Variants in NPAS2 observed in about 807,000 individuals in gnomAD.
NPAS2 encodes neuronal PAS domain protein 2.
In NPAS2, 23 loss-of-function variants were observed where a neutral mutation model predicts 107.5. The ratio of observed to expected loss-of-function variants is 0.21; its 90% CI spans 0.15 to 0.30. The LOEUF is 0.30. NPAS2 is among the 10% of genes least tolerant of loss of function. NPAS2 has a pLI of 1.00. For missense variants in NPAS2, 756 were observed against 1,043.3 expected, an observed-to-expected ratio of 0.72 and a Z score of 3.79; for synonymous variants, 403 against 417.5, an observed-to-expected ratio of 0.97 and a Z score of 0.42.
At chr2:100,880,914 T>C (rs529781290) in intron 1 of NPAS2, among the ~76,000 whole-genome samples, 9 of 152,038 alleles carry the variant, frequency 5.9e-5, no homozygotes, top group Middle Eastern at 3.4e-3. Context: ...TAAATACAAC[T>C]AGTAGGAAAT....
intron 16 of NPAS2, 96 bp downstream of exon 16, chr2:100,982,473 G>T: frequency 7.1e-7 from 1 of 1,413,458 alleles, no homozygotes; most frequent in Non-Finnish European, 9.6e-7. Flanking sequence ...CCCAAGCCCT[G>T]TGAACTGCCC....
chr2:100,939,563 C>G (rs532288576), intron 5 of NPAS2, among the ~76,000 whole-genome samples: 1 of 152,252 alleles, frequency 6.6e-6, no homozygotes, highest in South Asian at 2.1e-4. Flanking sequence ...CTGAGGGTGT[C>G]TGAGGACAGA....
intron 1 of NPAS2, among the ~76,000 whole-genome samples, chr2:100,861,136 G>A (rs147680618): frequency 1.3e-5 from 2 of 152,062 alleles, no homozygotes; most frequent in East Asian, 3.9e-4. Context: ...CAAAGCACTG[G>A]GATTATAGCT....
intron 1 of NPAS2, among the ~76,000 whole-genome samples, chr2:100,850,953 C>CAAAAAAAAAAAAAA (rs148858541): frequency 2.4e-5 from 1 of 41,856 alleles, no homozygotes; most frequent in African/African-American, 1.0e-4. Flanking sequence ...AACTCTGTCT[C>CAAAAAAAAAAAAAA]AAAAAAAAAA....
chr2:100,880,547 C>T (rs1374911428), intron 1 of NPAS2, among the ~76,000 whole-genome samples: 1 of 152,052 alleles, frequency 6.6e-6, no homozygotes, highest in African/African-American at 2.4e-5. Context: ...TTGTATAGTC[C>T]CTCTCTGTGA....
intron 1 of NPAS2, among the ~76,000 whole-genome samples, chr2:100,894,935 G>A (rs1019732433): frequency 1.3e-5 from 2 of 152,248 alleles, no homozygotes; most frequent in Non-Finnish European, 2.9e-5. Context: ...GTTGGAAGCA[G>A]TCTTCATTGA....
Position 100,976,232 on chromosome 2 carries a change from G to A in NPAS2, c.1392+665G>A, listed in dbSNP as rs528965171. On this transcript the variant is annotated intron_variant, in intron 14 of 20. Coordinates refer to ENST00000335681, the MANE Select transcript of NPAS2 (RefSeq NM_002518.4). This position sits in a 1 kb window ranked among gnomAD's most constrained non-coding sequence, Gnocchi z 4.1. ...GGCTATGGAATGCACCCACCAGATG[G>A]TGTCTGCACATGAATGTCCAGCAGC... Among the ~76,000 whole-genome samples, 24 of 152,078 alleles carry A rather than the reference G, an allele frequency of 1.6e-4. No homozygotes were observed. The highest frequency in any genetic ancestry group is 5.8e-4 in the African/African-American group (24 of 41,488).
intron 16 of NPAS2, chr2:100,984,854 G>T (rs924745994): frequency 1.5e-4 from 23 of 151,068 alleles, no homozygotes; most frequent in Non-Finnish European, 2.2e-4. Context: ...ATATGTGCCT[G>T]TGATGCTTAC....
At chr2:100,830,542 AGTTCC>A (rs1282873078) in intron 1 of NPAS2, among the ~76,000 whole-genome samples, 3 of 140,186 alleles carry the variant, frequency 2.1e-5, no homozygotes, top group Non-Finnish European at 4.5e-5. Flanking sequence ...CTCATTGTTC[AGTTCC>A]CACCTATGAG....
chr2:100,863,055 G>C lies in NPAS2; in HGVS notation c.-22-41678G>C, dbSNP rs142441654. On this transcript the variant is annotated intron_variant, in intron 1 of 20. Coordinates refer to ENST00000335681, the MANE Select transcript of NPAS2 (RefSeq NM_002518.4). ...CAAGAGCCTTAGCCCGTGCACAGCA[G>C]TGCCACCATGGCAGTCACCTATCCT... Among the ~76,000 whole-genome samples, 4 of 152,328 alleles carry C rather than the reference G, an allele frequency of 2.6e-5. No homozygotes were observed. In the East Asian group the frequency reaches 7.7e-4, roughly 29 times the overall value.
At chr2:100,918,217 C>A (rs1683008450) in intron 2 of NPAS2, among the ~76,000 whole-genome samples, 1 of 151,750 alleles carries the variant, frequency 6.6e-6, no homozygotes, top group Non-Finnish European at 1.5e-5. Context: ...AAGACTTTGG[C>A]AAAATGCAAC....
intron 20 of NPAS2, 45 bp downstream of exon 20, chr2:100,993,572 G>C: frequency 7.2e-7 from 1 of 1,393,724 alleles, no homozygotes; most frequent in Middle Eastern, 2.0e-4. Context: ...CCTGGGAGCC[G>C]GGCCACGCTC....
At position 100,904,711 on chromosome 2, in the gene NPAS2, ATTTTTT is replaced by A; in HGVS notation, c.-22-10_-22-5del. ...AGACAGTAATTATCCATTCTTTTTA[ATTTTTT>A]TTTTTTTTTTTGCAGGAAAAACTGC... On this transcript the variant is annotated splice_polypyrimidine_tract_variant and intron_variant, in intron 1 of 20. Transcript: ENST00000335681. 12 of 1,267,250 alleles carry A rather than the reference ATTTTTT, an allele frequency of 9.5e-6. No individual in the cohort carries two copies. The highest frequency in any genetic ancestry group is 2.0e-4 in the Middle Eastern group (1 of 5,034). The allele number at this position is 1,267,250 out of a possible 1,614,324, so 78.5% of individuals were successfully genotyped here.
At chr2:100,842,081 G>GCGCACA in intron 1 of NPAS2, among the ~76,000 whole-genome samples, 151 of 148,896 alleles carry the variant, frequency 1.0e-3, no homozygotes, top group Middle Eastern at 3.4e-3. Flanking sequence ...GCATGTACGC[G>GCGCACA]CACACACACA....
chr2:100,908,320 C>T (rs1682301441), intron 2 of NPAS2, among the ~76,000 whole-genome samples: 2 of 152,036 alleles, frequency 1.3e-5, no homozygotes, highest in African/African-American at 4.8e-5. Context: ...GCGCTCACAG[C>T]CTGCCTGGAG....
Position 100,847,577 on chromosome 2 carries a change from A to G in NPAS2, c.-23+27163A>G, listed in dbSNP as rs556804727. ...AGTAGAGACGGGGTTTCACCATGTT[A>G]GCCAGGATGGTCTCAATCTCCTGAC... is the stretch of plus-strand genomic sequence containing the variant. On this transcript the variant is annotated intron_variant, in intron 1 of 20. Coordinates refer to ENST00000335681, the MANE Select transcript of NPAS2 (RefSeq NM_002518.4). Among the ~76,000 whole-genome samples, 17 of 152,208 alleles carry G rather than the reference A, an allele frequency of 1.1e-4. No homozygotes were observed. The East Asian group carries it at 3.1e-3, about 28-fold the overall frequency.
chr2:100,870,301 G>A (rs1679503614), intron 1 of NPAS2, among the ~76,000 whole-genome samples: 1 of 152,194 alleles, frequency 6.6e-6, no homozygotes, highest in Non-Finnish European at 1.5e-5. Context: ...GGTATACACT[G>A]AAACCACATG....
intron 1 of NPAS2, among the ~76,000 whole-genome samples, chr2:100,834,037 C>T (rs891790561): frequency 6.6e-6 from 1 of 152,112 alleles, no homozygotes; most frequent in Admixed American, 6.5e-5. Context: ...GCACCTTTTC[C>T]AGGTAAAAAC....
chr2:100,875,463 CACACA>C (rs1679900276), intron 1 of NPAS2, among the ~76,000 whole-genome samples: 3 of 11,826 alleles, frequency 2.5e-4, no homozygotes, highest in Non-Finnish European at 9.0e-4. Context: ...TAAAAGCTTA[CACACA>C]CACACACACA....
Sources: allele counts gnomAD v4.1 joint callset (sites outside exome capture counted in the v4.1 genomes callset), GRCh38; gene constraint gnomAD v4.1.1; non-coding constraint Gnocchi (gnomAD v3.1); transcripts MANE v1.5; gene names NCBI Gene and HGNC (gene_info 2026-07-23, HGNC 2026-07-21).